SIK3: variants seen among roughly 807,000 people sequenced by gnomAD.
SIK3 encodes the protein SIK family kinase 3, also known as serine/threonine-protein kinase SIK3.
In SIK3, 28 loss-of-function variants were observed where a neutral mutation model predicts 144.2. The ratio of observed to expected loss-of-function variants is 0.19; its 90% confidence interval spans 0.14 to 0.27. SIK3 has a LOEUF of 0.27. Ranked by LOEUF, SIK3 falls within the 10% of genes least tolerant of loss-of-function variation. SIK3 has a pLI of 1.00. For synonymous variants in SIK3, 686 were observed against 676.3 expected (o/e 1.01, Z -0.22); for missense variants, 1,319 against 1,776.0 (o/e 0.74, Z 4.62).
At chr11:116,917,057 C>T (rs370712907) in intron 4 of SIK3, among the ~76,000 whole-genome samples, 1 of 152,042 alleles carries the variant, frequency 6.6e-6, no homozygotes, top group Admixed American at 6.6e-5. Flanking sequence ...GCGGCTCAAG[C>T]GACCCTCCCA....
intron 6 of SIK3, among the ~76,000 whole-genome samples, chr11:116,880,677 CAG>C (rs1460428861): frequency 2.0e-5 from 3 of 152,138 alleles, no homozygotes; most frequent in Non-Finnish European, 4.4e-5. Context: ...AACATGGAAA[CAG>C]GGTGAAAACG....
intron 1 of SIK3, among the ~76,000 whole-genome samples, chr11:116,964,591 G>A (rs1949457213): frequency 6.6e-6 from 1 of 152,072 alleles, no homozygotes; most frequent in Non-Finnish European, 1.5e-5. Flanking sequence ...AATTTAAAAT[G>A]TATAGCACTC....
chr11:116,876,226 C>G (rs770224349), intron 8 of SIK3, 27 bp downstream of exon 8: 2 of 1,599,722 alleles, frequency 1.3e-6, no homozygotes, highest in East Asian at 2.2e-5. Flanking sequence ...CTACATCCCA[C>G]TTTGTTCTCC....
chr11:116,924,602 C>T (rs1947174326), intron 4 of SIK3, among the ~76,000 whole-genome samples: 1 of 152,230 alleles, frequency 6.6e-6, no homozygotes, highest in East Asian at 1.9e-4. Flanking sequence ...ACTCCCACTG[C>T]AGCAGGCCCC....
At chr11:116,960,155 A>C (rs954616376) in intron 1 of SIK3, among the ~76,000 whole-genome samples, 1 of 152,228 alleles carries the variant, frequency 6.6e-6, no homozygotes, top group African/African-American at 2.4e-5. Flanking sequence ...GGCACGTACA[A>C]AGAAGTTTTA....
At position 116,965,734 on chromosome 11, in the gene SIK3, AATATAT is replaced by A. The variant is rs58587995; in HGVS notation, c.274-8676_274-8671del. On this transcript the variant is annotated intron_variant, in intron 1 of 24. Coordinates refer to ENST00000445177, the MANE Select transcript of SIK3 (RefSeq NM_001366686.3). Reference sequence around the variant, plus strand: ...CATGGTGAAAACCCGTCTCTGCTAAAATATATATATATATATATATATATATATATA... The same window carrying A: ...CATGGTGAAAACCCGTCTCTGCTAAAATATATATATATATATATATATATA... 5.4e-3 allele frequency among the ~76,000 whole-genome samples: 641 copies of A among 118,160 alleles called. 7 individuals are homozygous for A. The highest frequency in any genetic ancestry group is 0.024 in the East Asian group (77 of 3,158). 77.5% of individuals were successfully genotyped at this position (118,160 alleles called of 152,430 possible).
At chr11:116,935,479 C>T (rs372625756) in intron 3 of SIK3, among the ~76,000 whole-genome samples, 5 of 152,190 alleles carry the variant, frequency 3.3e-5, no homozygotes, top group Middle Eastern at 3.4e-3. Flanking sequence ...AGTCCATTCA[C>T]AGTAATGTAT....
intron 1 of SIK3, among the ~76,000 whole-genome samples, chr11:117,021,948 A>AAAAAAAAAAAAAAAAAAAAAAAAAAAAC (rs1565565731): frequency 7.8e-6 from 1 of 127,914 alleles, no homozygotes; most frequent in African/African-American, 3.4e-5. Context: ...AAAAAAAAAA[A>AAAAAAAAAAAAAAAAAAAAAAAAAAAAC]AAAAAAAAAA....
chr11:117,074,535 A>C (rs530569982), intron 1 of SIK3, among the ~76,000 whole-genome samples: 1 of 152,362 alleles, frequency 6.6e-6, no homozygotes, highest in African/African-American at 2.4e-5. Flanking sequence ...TTATAAGTAT[A>C]GCAAGTTTCT....
intron 1 of SIK3, among the ~76,000 whole-genome samples, chr11:117,097,014 A>G (rs1955504536): frequency 6.6e-6 from 1 of 152,214 alleles, no homozygotes; most frequent in Non-Finnish European, 1.5e-5. Flanking sequence ...TATTCATTCA[A>G]GTAAGATATT....
chr11:116,866,537 G>A (rs1391356063), intron 15 of SIK3, among the ~76,000 whole-genome samples: 1 of 152,248 alleles, frequency 6.6e-6, no homozygotes, highest in African/African-American at 2.4e-5. Context: ...TGCCTCCCGG[G>A]TTCAAGCAAT....
At chr11:117,063,146 T>C (rs1953872851) in intron 1 of SIK3, among the ~76,000 whole-genome samples, 2 of 152,238 alleles carry the variant, frequency 1.3e-5, no homozygotes, top group African/African-American at 2.4e-5. Context: ...ATCTGCCTTA[T>C]ACTAACTAAT....
At chr11:117,078,801 T>C (rs940204746) in intron 1 of SIK3, among the ~76,000 whole-genome samples, 4 of 152,168 alleles carry the variant, frequency 2.6e-5, no homozygotes, top group Non-Finnish European at 5.9e-5. Context: ...TCTTTTCCAC[T>C]ATCTGCTTCG....
chr11:116,856,112 G>C (rs1039625700), intron 21 of SIK3, among the ~76,000 whole-genome samples: 3 of 151,700 alleles, frequency 2.0e-5, no homozygotes, highest in African/African-American at 7.3e-5. Context: ...CAGGAGAATG[G>C]CGTGAGCATT....
chr11:116,985,994 T>G (rs1394017056), intron 1 of SIK3, among the ~76,000 whole-genome samples: 1 of 152,216 alleles, frequency 6.6e-6, no homozygotes, highest in African/African-American at 2.4e-5. Context: ...GGGTTTCTAC[T>G]GGGCTGTGGT....
chr11:116,940,233 T>G lies in SIK3; in HGVS notation c.455-12853A>C, dbSNP rs981643295. The stretch of plus-strand genomic sequence containing the variant: ...AAATATTCCTTTAAGGTTTTTTTGT[T>G]TTTTTTTTTTTTTTGAGACAGAGTC... On this transcript the variant is annotated intron_variant, in intron 3 of 24. Transcript: ENST00000445177. 2.7e-5 allele frequency among the ~76,000 whole-genome samples: 4 copies of G among 148,208 alleles called. No homozygotes were observed. In the East Asian group the frequency reaches 5.9e-4, roughly 22 times the overall value.
intron 1 of SIK3, among the ~76,000 whole-genome samples, chr11:116,980,323 G>A (rs950533403): frequency 2.6e-5 from 4 of 151,952 alleles, no homozygotes; most frequent in Non-Finnish European, 4.4e-5. Flanking sequence ...TGGTTGGTTC[G>A]GTAAAGCCCC....
intron 1 of SIK3, among the ~76,000 whole-genome samples, chr11:117,007,676 T>C (rs150415531): frequency 6.6e-6 from 1 of 152,354 alleles, no homozygotes; most frequent in African/African-American, 2.4e-5. Flanking sequence ...TGGAGTGTCA[T>C]ACTAACTTTT....
chr11:117,028,693 G>A (rs895585604), intron 1 of SIK3, among the ~76,000 whole-genome samples: 26 of 152,118 alleles, frequency 1.7e-4, no homozygotes. Context: ...AATATGTTGA[G>A]GAAACTAGCT....
Sources: gnomAD v4.1 joint callset for allele counts (sites outside exome capture counted in the v4.1 genomes callset) on GRCh38, gnomAD v4.1.1 for gene constraint, MANE v1.5 for transcripts, NCBI Gene and HGNC (gene_info 2026-07-23, HGNC 2026-07-21) for gene names.